Variants in FBXW8 observed in about 807,000 individuals in gnomAD.
FBXW8 encodes F-box/WD repeat-containing protein 8.
In FBXW8, 57 loss-of-function variants were observed where a neutral mutation model predicts 65.3. The ratio of observed to expected loss-of-function variants is 0.87; its 90% CI spans 0.71 to 1.09. The LOEUF is 1.09. FBXW8 is among the 50% of genes least tolerant of loss of function. The pLI is 0.00. For missense variants in FBXW8, 777 were observed against 814.8 expected, an observed-to-expected ratio of 0.95 and a Z score of 0.57; for synonymous variants, 308 against 330.2, an observed-to-expected ratio of 0.93 and a Z score of 0.73.
intron 8 of FBXW8, among the ~76,000 whole-genome samples, chr12:117,022,190 T>C (rs1029239085): frequency 6.6e-6 from 1 of 152,192 alleles, no homozygotes; most frequent in Non-Finnish European, 1.5e-5. Flanking sequence ...AGGCTGCTAT[T>C]TGTTATTTTA....
intron 2 of FBXW8, among the ~76,000 whole-genome samples, chr12:116,941,343 T>C (rs181938768): frequency 1.3e-5 from 2 of 152,320 alleles, no homozygotes; most frequent in African/African-American, 2.4e-5. Context: ...CATTAGAGTG[T>C]GACACTTAGA....
intron 1 of FBXW8, among the ~76,000 whole-genome samples, chr12:116,916,252 GC>G (rs1331417416): frequency 6.6e-6 from 1 of 152,206 alleles, no homozygotes; most frequent in Non-Finnish European, 1.5e-5. Flanking sequence ...CATAAGGTAT[GC>G]ATAGATTAGC....
intron 5 of FBXW8, among the ~76,000 whole-genome samples, chr12:116,969,978 A>T (rs1005454931): frequency 6.9e-4 from 105 of 152,284 alleles, no homozygotes; most frequent in African/African-American, 2.5e-3. Context: ...ACGTTACCAT[A>T]CCGAAATGAA....
In FBXW8 at chr12:117,028,239, A is replaced by T. The variant is rs2291915; in HGVS notation, c.*67A>T. 4.5e-4 allele frequency: 713 copies of T among 1,582,678 alleles called. 2 individuals carry two copies. Among genetic ancestry groups the T allele is most frequent in the East Asian group, 3.8e-3 (171 of 44,476 alleles). On this transcript the variant is annotated 3_prime_UTR_variant, in exon 11 of 11. Transcript: ENST00000652555. The surrounding 1 kb of genome is among the most constrained non-coding windows in gnomAD (Gnocchi z 4.1). ...CCAGTTTTATCCATCTTAAAACGCC[A>T]GGCACCTCTTCACAGGTGGTAAACA...
At chr12:117,021,524 T>G (rs933949361) in intron 8 of FBXW8, among the ~76,000 whole-genome samples, 1 of 152,226 alleles carries the variant, frequency 6.6e-6, no homozygotes, top group Non-Finnish European at 1.5e-5. Flanking sequence ...CTCTTTGCGC[T>G]CTCTGTAATT....
chr12:117,014,187 C>CT (rs1462214317), intron 8 of FBXW8, among the ~76,000 whole-genome samples: 3 of 152,208 alleles, frequency 2.0e-5, no homozygotes, highest in African/African-American at 7.2e-5. Flanking sequence ...TTTATGGACT[C>CT]TTTCCTGTGT....
At chr12:116,924,164 TTTTAAG>T (rs1881136874) in intron 1 of FBXW8, among the ~76,000 whole-genome samples, 1 of 23,178 alleles carries the variant, frequency 4.3e-5, no homozygotes, top group East Asian at 2.8e-3. Context: ...ATTTTCATGT[TTTTAAG>T]TCAGTGTTGT....
At chr12:117,013,492 A>G (rs145388883) in intron 8 of FBXW8, among the ~76,000 whole-genome samples, 3 of 152,278 alleles carry the variant, frequency 2.0e-5, no homozygotes, top group African/African-American at 7.2e-5. Flanking sequence ...GAGTAATGGT[A>G]CGGGGAGTGA....
chr12:116,961,109 C>T lies in FBXW8; in HGVS notation c.678-3588C>T, dbSNP rs969748054. On this transcript the variant is annotated intron_variant, in intron 4 of 10. Coordinates refer to ENST00000652555, the MANE Select transcript of FBXW8 (RefSeq NM_153348.3). This position sits in a 1 kb window ranked among gnomAD's most constrained non-coding sequence, Gnocchi z 4.4. ...CCTCCCAGTTCAAGCGATTCTTCTG[C>T]CTCAGCCTCCCAAGTAGGTGGGATT... 3.3e-5 allele frequency among the ~76,000 whole-genome samples: 5 copies of T among 152,190 alleles called. No homozygotes were observed. The highest frequency in any genetic ancestry group is 1.2e-4 in the African/African-American group (5 of 41,456).
intron 8 of FBXW8, among the ~76,000 whole-genome samples, chr12:117,013,787 G>T (rs994641247): frequency 2.6e-5 from 4 of 151,852 alleles, no homozygotes; most frequent in Non-Finnish European, 5.9e-5. Context: ...TGTTTTCAAT[G>T]AAATGAAAGT....
intron 1 of FBXW8, among the ~76,000 whole-genome samples, chr12:116,917,759 G>A (rs555444984): frequency 3.7e-4 from 56 of 152,238 alleles, no homozygotes; most frequent in Admixed American, 3.6e-3. Flanking sequence ...TTGGGAGGCC[G>A]AGGTGGATGG....
chr12:117,010,584 C>A, intron 8 of FBXW8, 134 bp downstream of exon 8: 1 of 1,138,110 alleles, frequency 8.8e-7, no homozygotes, highest in Non-Finnish European at 1.3e-6. Context: ...ATCCCATAAA[C>A]ACTCTAGACT....
Position 116,988,866 on chromosome 12 carries a change from C to T in FBXW8, c.1236C>T (p.Ser412=). The part of the protein sequence containing the change: ...VQGLGWVYEG[S]KILVYSLEAG... ...GTCTGGGATGGGTGTACGAAGGAAGCAAGGTACACAACTAGCAAGATATAT... is the reference window on the plus strand; with the variant it reads ...GTCTGGGATGGGTGTACGAAGGAAGTAAGGTACACAACTAGCAAGATATAT... The change falls in exon 7 of 11, where the codon AGC becomes AGT. Residue 412 remains serine (S), a synonymous_variant. Transcript: ENST00000652555. 1.2e-6 allele frequency: 2 copies of T among 1,613,210 alleles called. No homozygotes were observed. The highest frequency in any genetic ancestry group is 1.7e-6 in the Non-Finnish European group (2 of 1,179,320).
At chr12:116,913,279 A>G (rs1880143687) in intron 1 of FBXW8, among the ~76,000 whole-genome samples, 1 of 152,228 alleles carries the variant, frequency 6.6e-6, no homozygotes, top group South Asian at 2.1e-4. Context: ...ATAGGCATTG[A>G]TGCCAAAAAT....
chr12:116,995,344 C>A (rs1243264027), intron 7 of FBXW8, among the ~76,000 whole-genome samples: 1 of 152,178 alleles, frequency 6.6e-6, no homozygotes, highest in Non-Finnish European at 1.5e-5. Flanking sequence ...GGGCTCCTGT[C>A]CCAAACCCTG....
chr12:117,012,330 A>C (rs1953842154), intron 8 of FBXW8, among the ~76,000 whole-genome samples: 1 of 152,038 alleles, frequency 6.6e-6, no homozygotes, highest in Admixed American at 6.5e-5. Flanking sequence ...TGAAAAGAAC[A>C]GACTAGTGAC....
intron 7 of FBXW8, among the ~76,000 whole-genome samples, chr12:116,994,434 A>G (rs1008711314): frequency 1.3e-5 from 2 of 152,210 alleles, no homozygotes; most frequent in Non-Finnish European, 2.9e-5. Context: ...TCAGGGATCA[A>G]AAGATAGGAA....
chr12:116,939,953 A>G (rs1882442397), intron 2 of FBXW8, among the ~76,000 whole-genome samples: 2 of 152,216 alleles, frequency 1.3e-5, no homozygotes, highest in Admixed American at 6.5e-5. Flanking sequence ...TCAGCTGTGG[A>G]CCAGACATGC....
chr12:117,014,644 T>G (rs559789688), intron 8 of FBXW8, among the ~76,000 whole-genome samples: 31 of 152,286 alleles, frequency 2.0e-4, no homozygotes, highest in African/African-American at 7.0e-4. Flanking sequence ...CGGCAAGTTC[T>G]GTTTACCCTT....
Sources: allele counts gnomAD v4.1 joint callset (sites outside exome capture counted in the v4.1 genomes callset), GRCh38; gene constraint gnomAD v4.1.1; non-coding constraint Gnocchi (gnomAD v3.1); transcripts MANE v1.5; gene names NCBI Gene and HGNC (gene_info 2026-07-23, HGNC 2026-07-21).